The following PRKN variants were observed in gnomAD, a reference collection of about 807,000 sequenced individuals.
PRKN encodes the protein parkin RBR E3 ubiquitin protein ligase, also known as E3 ubiquitin-protein ligase parkin.
PRKN carries 56 observed loss-of-function variants against 59.5 expected under a neutral mutation model. That is an observed-to-expected ratio of 0.94 (90% CI 0.76 to 1.18). The LOEUF (loss-of-function observed/expected upper bound fraction) is 1.18. PRKN is among the 50% of genes most tolerant of loss of function. PRKN has a pLI of 0.00. For synonymous variants in PRKN, 250 were observed against 222.1 expected, an observed-to-expected ratio of 1.13 and a Z score of -1.12; for missense variants, 657 against 596.4, an observed-to-expected ratio of 1.10 and a Z score of -1.06.
chr6:161,487,100 G>A lies in PRKN; in HGVS notation c.1083+61754C>T, dbSNP rs530415194. ...AAGATGGGTGTCCTGGTTGAGGGGCGATGAGGTAAGAATGACTAATGCTTA... is the reference window on the plus strand; with the variant it reads ...AAGATGGGTGTCCTGGTTGAGGGGCAATGAGGTAAGAATGACTAATGCTTA... On this transcript the variant is annotated intron_variant, in intron 9 of 11. Transcript: ENST00000366898. The surrounding 1 kb of genome is among the most constrained non-coding windows in gnomAD (Gnocchi z 5.3). Among the ~76,000 whole-genome samples, 8 of 152,302 alleles carry A rather than the reference G, an allele frequency of 5.3e-5. No individual in the cohort carries two copies. The highest frequency in any genetic ancestry group is 1.0e-4 in the Non-Finnish European group (7 of 68,018).
chr6:161,470,305 T>C lies in PRKN; in HGVS notation c.1083+78549A>G, dbSNP rs1790722783. Among the ~76,000 whole-genome samples, 1 of 152,218 alleles carries C rather than the reference T, an allele frequency of 6.6e-6. No homozygotes were observed. Among genetic ancestry groups the C allele is most frequent in the Admixed American group, 6.5e-5 (1 of 15,282 alleles). On this transcript the variant is annotated intron_variant, in intron 9 of 11. Coordinates refer to ENST00000366898, the MANE Select transcript of PRKN (RefSeq NM_004562.3). The surrounding 1 kb of genome is among the most constrained non-coding windows in gnomAD (Gnocchi z 5.1). ...TTAGGGTATTATTTAATGTAGTCACTCATCTAAATCTTCATTCCCCTCTTC... is the reference window on the plus strand; with the variant it reads ...TTAGGGTATTATTTAATGTAGTCACCCATCTAAATCTTCATTCCCCTCTTC...
Position 161,353,821 on chromosome 6 carries a change from A to G in PRKN, c.1286-3610T>C, listed in dbSNP as rs759431072. Among the ~76,000 whole-genome samples the G allele has an allele frequency of 6.6e-6, 1 of 152,186 alleles. No homozygotes were observed. Among genetic ancestry groups the G allele is most frequent in the Non-Finnish European group, 1.5e-5 (1 of 68,030 alleles). On this transcript the variant is annotated intron_variant, in intron 11 of 11. Transcript: ENST00000366898. This position sits in a 1 kb window ranked among gnomAD's most constrained non-coding sequence, Gnocchi z 4.8. ...GACTGAGCCCCCAGCCTGAGGGATC[A>G]GACACTATTTCCTGGTAGACAGCGC...
chr6:162,206,090 C>T (rs1000030505), intron 3 of PRKN, among the ~76,000 whole-genome samples: 1 of 152,098 alleles, frequency 6.6e-6, no homozygotes, highest in African/African-American at 2.4e-5. Context: ...ACAGGGGGGA[C>T]TTCCGTAGTG....
intron 6 of PRKN, among the ~76,000 whole-genome samples, chr6:161,849,552 T>C (rs112081810): frequency 4.6e-5 from 7 of 152,190 alleles, no homozygotes; most frequent in African/African-American, 1.7e-4. Context: ...TTCCTCACAC[T>C]CCCATAGGGT....
intron 1 of PRKN, among the ~76,000 whole-genome samples, chr6:162,507,542 G>C (rs926149406): frequency 1.3e-5 from 2 of 152,094 alleles, no homozygotes; most frequent in East Asian, 3.9e-4. Flanking sequence ...AAGAATAAAT[G>C]TTTTTATAAA....
In PRKN at chr6:161,463,545, T is replaced by A. The variant is rs1165731664; in HGVS notation, c.1084-76668A>T. ...GGGATCTTTACATCAACCTACACTA[T>A]ACCTACCAGATGCTTTCTTTGACCA... is the stretch of plus-strand genomic sequence containing the variant. On this transcript the variant is annotated intron_variant, in intron 9 of 11. Coordinates refer to ENST00000366898, the MANE Select transcript of PRKN (RefSeq NM_004562.3). This position sits in a 1 kb window ranked among gnomAD's most constrained non-coding sequence, Gnocchi z 4.8. 6.6e-6 allele frequency among the ~76,000 whole-genome samples: 1 copy of A among 152,216 alleles called. No individual in the cohort carries two copies. The highest frequency in any genetic ancestry group is 1.9e-4 in the East Asian group (1 of 5,186).
At chr6:161,816,864 C>A (rs1791805055) in intron 6 of PRKN, among the ~76,000 whole-genome samples, 1 of 152,142 alleles carries the variant, frequency 6.6e-6, no homozygotes. Context: ...GCAACAGGGT[C>A]ACTCACAAAG....
At position 161,805,459 on chromosome 6, in the gene PRKN, C is replaced by CAT. The variant is rs1791271285; in HGVS notation, c.735-19552_735-19551insAT. 1.7e-4 allele frequency among the ~76,000 whole-genome samples: 4 copies of CAT among 23,348 alleles called. No individual in the cohort carries two copies. The Admixed American group carries it at 3.4e-3, about 20-fold the overall frequency. 15.3% of individuals were successfully genotyped at this position (23,348 alleles called of 152,430 possible). A position where few individuals can be genotyped will look rare whatever the true frequency, so the allele number is the denominator to read the frequency against. On this transcript the variant is annotated intron_variant, in intron 6 of 11. Coordinates refer to ENST00000366898, the MANE Select transcript of PRKN (RefSeq NM_004562.3). Reference sequence around the variant, plus strand: ...CTTCCTGAGTACACACATGCACACACACACACACACACACACACACATGCA... The same window carrying CAT: ...CTTCCTGAGTACACACATGCACACACATACACACACACACACACACACATGCA...
intron 2 of PRKN, among the ~76,000 whole-genome samples, chr6:162,339,261 C>A (rs1372124522): frequency 1.4e-5 from 2 of 147,922 alleles, no homozygotes; most frequent in South Asian, 2.1e-4. Context: ...AGCCCCCCGC[C>A]CGGCCAGCCG....
intron 1 of PRKN, among the ~76,000 whole-genome samples, chr6:162,587,115 A>G (rs934766426): frequency 6.6e-6 from 1 of 152,212 alleles, no homozygotes; most frequent in Non-Finnish European, 1.5e-5. Context: ...AGAACATAAC[A>G]TAAGCACACA....
intron 2 of PRKN, among the ~76,000 whole-genome samples, chr6:162,373,172 G>A (rs1467833450): frequency 2.0e-5 from 3 of 152,168 alleles, no homozygotes; most frequent in Admixed American, 6.5e-5. Flanking sequence ...AATGGTTAAC[G>A]ATGTGTAACT....
At chr6:162,392,498 C>T (rs1199624969) in intron 2 of PRKN, among the ~76,000 whole-genome samples, 2 of 152,170 alleles carry the variant, frequency 1.3e-5, no homozygotes, top group African/African-American at 4.8e-5. Flanking sequence ...ATTTTTCTTT[C>T]ACTCAAGTCT....
chr6:162,085,466 T>C (rs1779213175), intron 4 of PRKN, among the ~76,000 whole-genome samples: 1 of 152,098 alleles, frequency 6.6e-6, no homozygotes, highest in Non-Finnish European at 1.5e-5. Context: ...GTATTAAATG[T>C]TAGAAATCAA....
intron 1 of PRKN, among the ~76,000 whole-genome samples, chr6:162,672,559 T>C (rs760930572): frequency 3.9e-5 from 6 of 152,180 alleles, no homozygotes; most frequent in Non-Finnish European, 7.4e-5. Context: ...ACTGATTAAA[T>C]ATTATATTTA....
intron 9 of PRKN, among the ~76,000 whole-genome samples, chr6:161,519,627 T>C (rs1418740307): frequency 6.6e-6 from 1 of 152,102 alleles, no homozygotes; most frequent in Admixed American, 6.5e-5. Context: ...GGAAGAGATA[T>C]AAACAAGCAA....
At position 161,397,425 on chromosome 6, in the gene PRKN, G is replaced by A. The variant is rs1216924598; in HGVS notation, c.1084-10548C>T. 1.3e-5 allele frequency among the ~76,000 whole-genome samples: 2 copies of A among 152,198 alleles called. No homozygotes were observed. Among genetic ancestry groups the A allele is most frequent in the South Asian group, 4.1e-4 (2 of 4,834 alleles). On this transcript the variant is annotated intron_variant, in intron 9 of 11. Coordinates refer to ENST00000366898, the MANE Select transcript of PRKN (RefSeq NM_004562.3). The surrounding 1 kb of genome is among the most constrained non-coding windows in gnomAD (Gnocchi z 4.2). ...GGTTGAGGTCAGTGGGTAAGAGCAC[G>A]TGGAGATAGCATTTGTTTTTCTGCC...
intron 2 of PRKN, among the ~76,000 whole-genome samples, chr6:162,351,559 A>C (rs1026062523): frequency 6.6e-6 from 1 of 152,186 alleles, no homozygotes; most frequent in African/African-American, 2.4e-5. Context: ...TTTCGCAGGG[A>C]AGTATTTGCA....
At chr6:162,595,045 G>C (rs373472221) in intron 1 of PRKN, among the ~76,000 whole-genome samples, 247 of 151,916 alleles carry the variant, frequency 1.6e-3, no homozygotes, top group East Asian at 0.01. Context: ...ACTGTGGCGG[G>C]TGCCTGTAGT....
At chr6:162,548,271 A>G (rs1779198273) in intron 1 of PRKN, among the ~76,000 whole-genome samples, 1 of 151,366 alleles carries the variant, frequency 6.6e-6, no homozygotes, top group African/African-American at 2.4e-5. Flanking sequence ...GTTGGCCAGG[A>G]TGATCTCAAT....
Sources: allele counts gnomAD v4.1 joint callset (sites outside exome capture counted in the v4.1 genomes callset), GRCh38; gene constraint gnomAD v4.1.1; non-coding constraint Gnocchi (gnomAD v3.1); transcripts MANE v1.5; gene names NCBI Gene and HGNC (gene_info 2026-07-23, HGNC 2026-07-21).